PEAK1: variants seen among roughly 807,000 people sequenced by gnomAD.
The protein encoded by PEAK1 is pseudopodium enriched atypical kinase 1, also known as inactive tyrosine-protein kinase PEAK1.
PEAK1 carries 54 observed loss-of-function variants against 124.7 expected under a neutral mutation model. The ratio of observed to expected loss-of-function variants is 0.43; its 90% CI spans 0.35 to 0.54. The LOEUF is 0.54. PEAK1 is among the 20% of genes least tolerant of loss of function. PEAK1 has a pLI of 0.01. For missense variants in PEAK1, 2,046 were observed against 2,134.5 expected, an observed-to-expected ratio of 0.96 and a Z score of 0.82; for synonymous variants, 719 against 760.0, an observed-to-expected ratio of 0.95 and a Z score of 0.89.
At chr15:77,191,508 T>C (rs369340578) in intron 6 of PEAK1, among the ~76,000 whole-genome samples, 1 of 152,176 alleles carries the variant, frequency 6.6e-6, no homozygotes, top group Non-Finnish European at 1.5e-5. Flanking sequence ...GATGATTTAA[T>C]TGAAAGTTTT....
At chr15:77,192,448 G>T (rs960471398) in intron 6 of PEAK1, among the ~76,000 whole-genome samples, 9 of 152,180 alleles carry the variant, frequency 5.9e-5, no homozygotes, top group Non-Finnish European at 1.3e-4. Flanking sequence ...AGACTCTGGG[G>T]AGTTACTGGA....
At chr15:77,119,371 G>A (rs1384006156) in intron 9 of PEAK1, among the ~76,000 whole-genome samples, 4 of 152,172 alleles carry the variant, frequency 2.6e-5, no homozygotes, top group Admixed American at 2.6e-4. Flanking sequence ...CTGCTTGTCT[G>A]GGTTAATAAA....
At chr15:77,206,954 A>G (rs2058688279) in intron 6 of PEAK1, among the ~76,000 whole-genome samples, 1 of 152,190 alleles carries the variant, frequency 6.6e-6, no homozygotes, top group Admixed American at 6.5e-5. Flanking sequence ...CCTCAGAAAT[A>G]ACGCCGCATA....
At chr15:77,285,266 C>T (rs753366344) in intron 3 of PEAK1, among the ~76,000 whole-genome samples, 1 of 152,084 alleles carries the variant, frequency 6.6e-6, no homozygotes, top group Admixed American at 6.6e-5. Context: ...AGTTAGTTCA[C>T]GTTAAGTCCT....
chr15:77,405,011 G>GT (rs751125559), intron 1 of PEAK1, among the ~76,000 whole-genome samples: 8,957 of 141,538 alleles, frequency 0.063, 283 homozygotes, highest in Middle Eastern at 0.11. Flanking sequence ...TTAGTTTTTT[G>GT]TTTTTTTTTT....
intron 9 of PEAK1, among the ~76,000 whole-genome samples, chr15:77,124,104 G>C (rs918339635): frequency 2.6e-5 from 4 of 152,168 alleles, no homozygotes; most frequent in Non-Finnish European, 4.4e-5. Context: ...TTTTCTTGAG[G>C]CTTACAAGAC....
In PEAK1 at chr15:77,133,252, T is replaced by A; in HGVS notation, c.3830A>T (p.Tyr1277Phe). 1 of 1,614,262 alleles carries A rather than the reference T, an allele frequency of 6.2e-7. No individual in the cohort carries two copies. Among genetic ancestry groups the A allele is most frequent in the Non-Finnish European group, 8.5e-7 (1 of 1,180,038 alleles). The change falls in exon 9 of 10, where the codon TAT becomes TTT. Residue 1277 changes from tyrosine to phenylalanine, a missense_variant. Tyr to Phe is a conservative substitution (Grantham distance 22, BLOSUM62 3). Coordinates refer to ENST00000682557, the MANE Select transcript of PEAK1 (RefSeq NM_001385026.1). The surrounding 1 kb of genome is among the most constrained non-coding windows in gnomAD (Gnocchi z 4.2). ...TTCCTCCCGATTCTCAAGTCCTCGA[T>A]AAAGTGCTTGTCTCTGCGGCTTCTG... ...GIQKPQRQAL[Y>F]RGLENREEVV...
At chr15:77,368,611 G>C (rs1315807495) in intron 1 of PEAK1, among the ~76,000 whole-genome samples, 1 of 151,990 alleles carries the variant, frequency 6.6e-6, no homozygotes, top group African/African-American at 2.4e-5. Flanking sequence ...ATGAAACATA[G>C]AAAGCAATAA....
intron 1 of PEAK1, among the ~76,000 whole-genome samples, chr15:77,412,567 TATACAGAA>T (rs1446620917): frequency 1.3e-5 from 2 of 152,232 alleles, no homozygotes; most frequent in African/African-American, 4.8e-5. Context: ...TATATTTTTA[TATACAGAA>T]ATACAGATTT....
chr15:77,150,094 T>C (rs2054472833), intron 8 of PEAK1, among the ~76,000 whole-genome samples: 1 of 152,182 alleles, frequency 6.6e-6, no homozygotes, highest in East Asian at 1.9e-4. Flanking sequence ...GAGAGAAAGC[T>C]ATCTTTCTGA....
intron 2 of PEAK1, among the ~76,000 whole-genome samples, chr15:77,321,043 T>A (rs937175895): frequency 5.9e-5 from 9 of 152,264 alleles, no homozygotes; most frequent in Admixed American, 1.3e-4. Flanking sequence ...CCACATTTTC[T>A]TAATCCAGTC....
At chr15:77,338,416 A>G (rs1404369070) in intron 2 of PEAK1, among the ~76,000 whole-genome samples, 1 of 152,148 alleles carries the variant, frequency 6.6e-6, no homozygotes, top group Non-Finnish European at 1.5e-5. Context: ...TGCTCTCAGA[A>G]ACTGATGCTT....
intron 1 of PEAK1, among the ~76,000 whole-genome samples, chr15:77,385,553 T>C (rs1004110305): frequency 1.3e-5 from 2 of 152,174 alleles, no homozygotes; most frequent in African/African-American, 4.8e-5. Context: ...GGTAAGGACA[T>C]AGATATGGCA....
intron 2 of PEAK1, among the ~76,000 whole-genome samples, chr15:77,313,724 G>GTATA (rs1243000462): frequency 6.1e-4 from 66 of 108,332 alleles, no homozygotes; most frequent in African/African-American, 1.1e-3. Flanking sequence ...GTGTGTGTGT[G>GTATA]TGTATATATA....
rs528678973 is a variant in PEAK1 at position 77,117,967 on chromosome 15, T to C, written c.4078-2648A>G. The stretch of plus-strand genomic sequence containing the variant: ...GAATGTGGATACTACAATAAGAATT[T>C]ATGTTTAGCTTCACAGATCTACTTG... On this transcript the variant is annotated intron_variant, in intron 9 of 9. Transcript: ENST00000682557. 9.7e-4 allele frequency among the ~76,000 whole-genome samples: 148 copies of C among 152,344 alleles called. 1 individual carries two copies. The highest frequency in any genetic ancestry group is 1.3e-3 in the Non-Finnish European group (90 of 68,024).
At chr15:77,198,500 T>C (rs946155182) in intron 6 of PEAK1, among the ~76,000 whole-genome samples, 2 of 152,266 alleles carry the variant, frequency 1.3e-5, no homozygotes, top group Admixed American at 1.3e-4. Flanking sequence ...CTGCCCACCA[T>C]TGCAAGATAA....
chr15:77,114,415 C>G lies in PEAK1; in HGVS notation c.4982G>C (p.Gly1661Ala). ...SERILISDAK[G>A]ILQCLLWGPR... ...GCCCCAGAGCAGACACTGGAGGATG[C>G]CTTTGGCGTCTGAAATGAGGATCCG... The change falls in exon 10 of 10, where the codon GGC becomes GCC. Residue 1661 changes from glycine to alanine, a missense_variant. Gly to Ala is a moderately conservative substitution (Grantham distance 60). Coordinates refer to ENST00000682557, the MANE Select transcript of PEAK1 (RefSeq NM_001385026.1). The G allele has an allele frequency of 1.2e-5, 19 of 1,614,158 alleles. No individual in the cohort carries two copies. The highest frequency in any genetic ancestry group is 1.6e-5 in the Non-Finnish European group (19 of 1,180,030).
At chr15:77,317,200 G>A (rs1042303357) in intron 2 of PEAK1, among the ~76,000 whole-genome samples, 14 of 152,180 alleles carry the variant, frequency 9.2e-5, no homozygotes, top group Non-Finnish European at 1.6e-4. Context: ...GTTCAAAATC[G>A]TTAAGTCTGG....
chr15:77,199,322 C>G (rs771927282), intron 6 of PEAK1, among the ~76,000 whole-genome samples: 1 of 152,180 alleles, frequency 6.6e-6, no homozygotes, highest in Non-Finnish European at 1.5e-5. Context: ...GAGTTCAACA[C>G]TGTAGATATC....
Sources: gnomAD v4.1 joint callset for allele counts (sites outside exome capture counted in the v4.1 genomes callset) on GRCh38, gnomAD v4.1.1 for gene constraint, Gnocchi (gnomAD v3.1) non-coding constraint, MANE v1.5 for transcripts, NCBI Gene and HGNC (gene_info 2026-07-23, HGNC 2026-07-21) for gene names.